The following KREMEN1 variants were observed in gnomAD, a reference collection of about 807,000 sequenced individuals.
KREMEN1 encodes the protein kremen protein 1.
In KREMEN1, 30 loss-of-function variants were observed where a neutral mutation model predicts 46.5. The ratio of observed to expected loss-of-function variants is 0.65; its 90% CI spans 0.48 to 0.88. The LOEUF (loss-of-function observed/expected upper bound fraction) is 0.88. Ranked by LOEUF, KREMEN1 falls within the 40% of genes least tolerant of loss-of-function variation. The pLI is 0.00. For synonymous variants in KREMEN1, 214 were observed against 230.6 expected (o/e 0.93, Z 0.65); for missense variants, 533 against 596.9 (o/e 0.89, Z 1.11).
At chr22:29,077,180 A>AT (rs2037586124) in intron 1 of KREMEN1, among the ~76,000 whole-genome samples, 1 of 152,168 alleles carries the variant, frequency 6.6e-6, no homozygotes, top group African/African-American at 2.4e-5. Flanking sequence ...GTGGGCAAGC[A>AT]TTTTTTGTAG....
chr22:29,121,566 G>C (rs981555031), intron 4 of KREMEN1, 85 bp downstream of exon 4: 40 of 1,461,166 alleles, frequency 2.7e-5, no homozygotes, highest in Non-Finnish European at 3.8e-5. Flanking sequence ...TAAGTGCTAA[G>C]TAAAATAAGC....
In KREMEN1 at chr22:29,146,805, CATT is replaced by C. The variant is rs1298952121; in HGVS notation, c.*4694_*4696del. The C allele has an allele frequency of 2.1e-5, 20 of 970,328 alleles. No homozygotes were observed. The highest frequency in any genetic ancestry group is 5.2e-4 in the Middle Eastern group (1 of 1,914). The allele number at this position is 970,328 out of a possible 1,614,324, so 60.1% of individuals were successfully genotyped here. On this transcript the variant is annotated 3_prime_UTR_variant, in exon 9 of 9. Coordinates refer to ENST00000400335, the MANE Select transcript of KREMEN1 (RefSeq NM_001039570.3). ...ACTTTCTGGAAAAAATAAATATTCT[CATT>C]GTTGTAGAAAGAGTGATGGGCCCTA...
intron 4 of KREMEN1, among the ~76,000 whole-genome samples, chr22:29,124,681 C>T (rs1190365381): frequency 2.6e-5 from 4 of 151,906 alleles, no homozygotes; most frequent in Non-Finnish European, 5.9e-5. Flanking sequence ...TTAGTAGAGA[C>T]GGGGTTTCAC....
chr22:29,075,060 G>A (rs954824203), intron 1 of KREMEN1, among the ~76,000 whole-genome samples: 1 of 152,160 alleles, frequency 6.6e-6, no homozygotes, highest in Non-Finnish European at 1.5e-5. Context: ...TAGAACTGGG[G>A]TCTCCAAGTG....
chr22:29,105,478 TACACACACAC>T (rs10642386), intron 3 of KREMEN1, among the ~76,000 whole-genome samples: 15 of 146,892 alleles, frequency 1.0e-4, no homozygotes, highest in South Asian at 6.5e-4. Flanking sequence ...CACACACACA[TACACACACAC>T]ACACACACAC....
intron 1 of KREMEN1, among the ~76,000 whole-genome samples, chr22:29,089,657 G>T (rs2037778979): frequency 6.6e-6 from 1 of 152,074 alleles, no homozygotes; most frequent in African/African-American, 2.4e-5. Context: ...CCCTCCAGTG[G>T]CTTCCCCTTA....
chr22:29,112,172 G>A lies in KREMEN1; in HGVS notation c.353-9185G>A, dbSNP rs1471590449. Among the ~76,000 whole-genome samples, 7 of 152,150 alleles carry A rather than the reference G, an allele frequency of 4.6e-5. No homozygotes were observed. In the South Asian group the frequency reaches 6.2e-4, roughly 14 times the overall value. On this transcript the variant is annotated intron_variant, in intron 3 of 8. Transcript: ENST00000400335. ...ATCCACTCACGTGGCTCAAACTTGA[G>A]TTTGGTTGCCTCAACTCCTACTTGA... is the stretch of plus-strand genomic sequence containing the variant.
intron 5 of KREMEN1, among the ~76,000 whole-genome samples, chr22:29,128,949 T>C (rs1288740320): frequency 1.3e-5 from 2 of 152,224 alleles, no homozygotes; most frequent in African/African-American, 4.8e-5. Flanking sequence ...ATGAACAAAG[T>C]ATGCCCAGTT....
chr22:29,144,919 C>T lies in KREMEN1; in HGVS notation c.*2807C>T. 2 of 985,554 alleles carry T rather than the reference C, an allele frequency of 2.0e-6. No individual in the cohort carries two copies. The highest frequency in any genetic ancestry group is 2.4e-6 in the Non-Finnish European group (2 of 829,998). 61.1% of individuals were successfully genotyped at this position (985,554 alleles called of 1,614,324 possible). A position where few individuals can be genotyped will look rare whatever the true frequency, so the allele number is the denominator to read the frequency against. ...GTGCTGGGGATGCCCCAGCGCTTCTCTTCCTGCCTCGCCCTGGCATGGCCC... is the reference window on the plus strand; with the variant it reads ...GTGCTGGGGATGCCCCAGCGCTTCTTTTCCTGCCTCGCCCTGGCATGGCCC... On this transcript the variant is annotated 3_prime_UTR_variant, in exon 9 of 9. Coordinates refer to ENST00000400335, the MANE Select transcript of KREMEN1 (RefSeq NM_001039570.3).
intron 1 of KREMEN1, among the ~76,000 whole-genome samples, chr22:29,074,451 C>T (rs186863519): frequency 1.3e-5 from 2 of 152,354 alleles, no homozygotes; most frequent in Admixed American, 1.3e-4. Flanking sequence ...GAGGTGAGGC[C>T]CTGGACCAGG....
Position 29,127,903 on chromosome 22 carries a change from AAAAT to A in KREMEN1, c.631+2495_631+2498del, listed in dbSNP as rs1464716380. Among the ~76,000 whole-genome samples the A allele has an allele frequency of 3.3e-5, 5 of 152,354 alleles. No individual in the cohort carries two copies. The East Asian group carries it at 9.6e-4, about 29-fold the overall frequency. On this transcript the variant is annotated intron_variant, in intron 5 of 8. Transcript: ENST00000400335. ...TATGATGGAATATTATTCAACCATA[AAAAT>A]AAATAAAGTACTGAGGCATGCTACA... is the stretch of plus-strand genomic sequence containing the variant.
chr22:29,149,169 CTT>C (rs557993177), downstream of KREMEN1, among the ~76,000 whole-genome samples: 1 of 145,728 alleles, frequency 6.9e-6, no homozygotes. Context: ...ATAATGGCAC[CTT>C]TTTTTTTTTT....
At chr22:29,093,672 T>G (rs1324307372) in intron 1 of KREMEN1, among the ~76,000 whole-genome samples, 1 of 152,250 alleles carries the variant, frequency 6.6e-6, no homozygotes, top group African/African-American at 2.4e-5. Flanking sequence ...GTTCCACCTC[T>G]ATCTCAAACA....
intron 5 of KREMEN1, among the ~76,000 whole-genome samples, chr22:29,134,386 G>C (rs1051774986): frequency 6.6e-5 from 10 of 152,040 alleles, no homozygotes; most frequent in African/African-American, 2.4e-4. Context: ...TGAACTCCTA[G>C]CCTTGAGAGA....
intron 9 of KREMEN1, among the ~76,000 whole-genome samples, chr22:29,159,698 A>C (rs991762578): frequency 2.0e-5 from 3 of 152,244 alleles, no homozygotes; most frequent in Non-Finnish European, 4.4e-5. Flanking sequence ...CTTGCTAAGG[A>C]GCAAGACTGG....
At chr22:29,117,370 A>G (rs1355356396) in intron 3 of KREMEN1, among the ~76,000 whole-genome samples, 1 of 152,180 alleles carries the variant, frequency 6.6e-6, no homozygotes, top group Non-Finnish European at 1.5e-5. Context: ...GATCGAGACC[A>G]TCCTGGCTAA....
At chr22:29,116,797 G>A (rs1323959428) in intron 3 of KREMEN1, among the ~76,000 whole-genome samples, 1 of 152,110 alleles carries the variant, frequency 6.6e-6, no homozygotes, top group Non-Finnish European at 1.5e-5. Context: ...AACAAACTCA[G>A]TTTATATCAT....
intron 7 of KREMEN1, among the ~76,000 whole-genome samples, chr22:29,139,156 G>T (rs1053875147): frequency 6.6e-6 from 1 of 152,194 alleles, no homozygotes; most frequent in African/African-American, 2.4e-5. Flanking sequence ...TCATTCAAAA[G>T]ATATATAAGT....
downstream of KREMEN1, among the ~76,000 whole-genome samples, chr22:29,151,758 T>C (rs1476230386): frequency 2.6e-5 from 4 of 151,904 alleles, no homozygotes; most frequent in Non-Finnish European, 4.4e-5. Flanking sequence ...GCCTGTAATC[T>C]CAGCACTTTG....
Sources: allele counts gnomAD v4.1 joint callset (sites outside exome capture counted in the v4.1 genomes callset), GRCh38; gene constraint gnomAD v4.1.1; transcripts MANE v1.5; gene names NCBI Gene and HGNC (gene_info 2026-07-23, HGNC 2026-07-21).